The following INPP5D variants were observed in gnomAD, a reference collection of about 807,000 sequenced individuals.
The protein encoded by INPP5D is inositol polyphosphate-5-phosphatase D, also known as phosphatidylinositol 3,4,5-trisphosphate 5-phosphatase 1.
In INPP5D, 33 loss-of-function variants were observed where a neutral mutation model predicts 122.9. The ratio of observed to expected loss-of-function variants is 0.27; its 90% CI spans 0.20 to 0.36. INPP5D has a LOEUF of 0.36. Among genes scored for constraint, INPP5D ranks in the 10% least tolerant of loss-of-function variants. The pLI, the probability that INPP5D is intolerant of heterozygous loss-of-function variation, is 1.00. For missense variants in INPP5D, 1,053 were observed against 1,412.7 expected (o/e 0.75, Z 4.08); for synonymous variants, 584 against 576.2 (o/e 1.01, Z -0.19).
At chr2:233,085,329 C>T (rs1482954562) in intron 2 of INPP5D, among the ~76,000 whole-genome samples, 1 of 151,000 alleles carries the variant, frequency 6.6e-6, no homozygotes, top group African/African-American at 2.4e-5. Context: ...GAGGCTGCAG[C>T]GAGCTGAGGT....
chr2:233,169,914 C>T, intron 14 of INPP5D, 112 bp from the exon 15 acceptor site: 1 of 1,554,676 alleles, frequency 6.4e-7, no homozygotes, highest in African/African-American at 1.4e-5. Flanking sequence ...AGTCTCACTT[C>T]CCCCCACCTG....
chr2:233,102,294 T>C (rs1025444012), intron 2 of INPP5D, among the ~76,000 whole-genome samples: 4 of 152,198 alleles, frequency 2.6e-5, no homozygotes, highest in East Asian at 3.8e-4. Context: ...AGGCCTGTGT[T>C]ACCCCATGAT....
chr2:233,158,186 C>T (rs1386802428), intron 9 of INPP5D, 127 bp from the exon 10 acceptor site: 7 of 595,270 alleles, frequency 1.2e-5, no homozygotes, highest in Non-Finnish European at 2.1e-5. Flanking sequence ...AGCTGGGAGA[C>T]CAGACACAAA....
chr2:233,065,838 G>A (rs887878996), intron 1 of INPP5D, among the ~76,000 whole-genome samples: 9 of 151,178 alleles, frequency 6.0e-5, no homozygotes, highest in African/African-American at 1.7e-4. Context: ...GTAGCGATGG[G>A]GTTTCACCAT....
rs115766946 is a variant in INPP5D at position 233,107,763 on chromosome 2, G to A, written c.199-14344G>A. Among the ~76,000 whole-genome samples, 1,268 of 152,216 alleles carry A rather than the reference G, an allele frequency of 8.3e-3. 10 individuals carry two copies. Among genetic ancestry groups the A allele is most frequent in the African/African-American group, 0.029 (1,196 of 41,522 alleles). ...GCCGGGGAGCTGGGAAGAACCGGGT[G>A]TCTGGGGTGGGAGTCATGATGTCCC... is the stretch of plus-strand genomic sequence containing the variant. On this transcript the variant is annotated intron_variant, in intron 2 of 26. Transcript: ENST00000445964.
At chr2:233,187,124 C>T (rs1377844995) in intron 21 of INPP5D, among the ~76,000 whole-genome samples, 1 of 150,940 alleles carries the variant, frequency 6.6e-6, no homozygotes, top group Non-Finnish European at 1.5e-5. Flanking sequence ...ATCCAGGCTG[C>T]AGTAAGCTAT....
intron 9 of INPP5D, among the ~76,000 whole-genome samples, chr2:233,156,725 C>G (rs36162295): frequency 0.17 from 25,540 of 152,114 alleles, 3,879 homozygotes; most frequent in African/African-American, 0.4. Flanking sequence ...TGTTAACTGG[C>G]GAATGGTCAC....
At chr2:233,060,648 T>C (rs1691046343) in intron 1 of INPP5D, 36 bp downstream of exon 1, 1 of 1,610,688 alleles carries the variant, frequency 6.2e-7, no homozygotes. Context: ...GGCACAGATA[T>C]GACAGAGGGG....
intron 2 of INPP5D, among the ~76,000 whole-genome samples, chr2:233,114,012 G>A (rs187492123): frequency 6.4e-4 from 96 of 149,938 alleles, no homozygotes; most frequent in African/African-American, 2.2e-3. Flanking sequence ...CCGGGTTCAC[G>A]CCATTCTCCT....
intron 21 of INPP5D, among the ~76,000 whole-genome samples, chr2:233,187,694 C>G (rs911009130): frequency 5.9e-5 from 9 of 152,192 alleles, no homozygotes; most frequent in African/African-American, 2.2e-4. Context: ...TGACTGGGGT[C>G]TCCCACTGAA....
chr2:233,069,368 T>C (rs1171727848), intron 1 of INPP5D, among the ~76,000 whole-genome samples: 1 of 152,186 alleles, frequency 6.6e-6, no homozygotes, highest in Non-Finnish European at 1.5e-5. Flanking sequence ...AAAAATGGTA[T>C]TTATACAAAG....
At chr2:233,185,737 AGG>A in intron 20 of INPP5D, 104 bp from the exon 21 acceptor site, 1 of 951,182 alleles carries the variant, frequency 1.1e-6, no homozygotes, top group Non-Finnish European at 1.3e-6. Flanking sequence ...AAAAAAAAAA[AGG>A]AGAGAGCACA....
At chr2:233,178,201 G>T (rs566307797) in intron 18 of INPP5D, among the ~76,000 whole-genome samples, 1 of 152,138 alleles carries the variant, frequency 6.6e-6, no homozygotes, top group African/African-American at 2.4e-5. Context: ...ATAGGCTGAG[G>T]GGGGAGGATC....
At chr2:233,178,181 C>G (rs1694694362) in intron 18 of INPP5D, among the ~76,000 whole-genome samples, 1 of 152,152 alleles carries the variant, frequency 6.6e-6, no homozygotes, top group Non-Finnish European at 1.5e-5. Flanking sequence ...CCTATAGTCT[C>G]AGCTGCTCAA....
intron 18 of INPP5D, among the ~76,000 whole-genome samples, chr2:233,178,994 T>C (rs982616680): frequency 2.0e-5 from 3 of 152,136 alleles, no homozygotes; most frequent in Non-Finnish European, 2.9e-5. Context: ...CCAGTGCCTG[T>C]CTCCTCCTAC....
intron 2 of INPP5D, among the ~76,000 whole-genome samples, chr2:233,108,205 C>G (rs912926315): frequency 6.6e-6 from 1 of 152,194 alleles, no homozygotes; most frequent in East Asian, 1.9e-4. Flanking sequence ...GGGCTGGCAG[C>G]CCCCTGGCTC....
At chr2:233,159,799 C>T (rs758188483) in intron 10 of INPP5D, among the ~76,000 whole-genome samples, 4 of 151,896 alleles carry the variant, frequency 2.6e-5, no homozygotes, top group East Asian at 1.9e-4. Context: ...AAGGGACAAG[C>T]GCTTCTGGTG....
intron 1 of INPP5D, among the ~76,000 whole-genome samples, chr2:233,070,703 A>G (rs1451030163): frequency 6.6e-6 from 1 of 151,972 alleles, no homozygotes; most frequent in African/African-American, 2.4e-5. Flanking sequence ...GGCCTCCCAA[A>G]GTGCTGGGAT....
intron 25 of INPP5D, among the ~76,000 whole-genome samples, chr2:233,201,367 A>G (rs1695336033): frequency 6.6e-6 from 1 of 152,262 alleles, no homozygotes; most frequent in Admixed American, 6.5e-5. Flanking sequence ...ACGAGCACAC[A>G]GCTTGGTGGG....
Sources: gnomAD v4.1 joint callset for allele counts (sites outside exome capture counted in the v4.1 genomes callset) on GRCh38, gnomAD v4.1.1 for gene constraint, MANE v1.5 for transcripts, NCBI Gene and HGNC (gene_info 2026-07-23, HGNC 2026-07-21) for gene names.